The following FSD2 variants were observed in gnomAD, a reference collection of about 807,000 sequenced individuals.
FSD2 encodes the protein fibronectin type III and SPRY domain containing 2, also known as fibronectin type III and SPRY domain-containing protein 2.
In FSD2, 71 loss-of-function variants were observed where a neutral mutation model predicts 80.4. The observed-to-expected ratio is 0.88, with a 90% CI of 0.73 to 1.08. FSD2 has a LOEUF of 1.08. Ranked by LOEUF, FSD2 falls within the 50% of genes least tolerant of loss-of-function variation. FSD2 has a pLI of 0.00. For synonymous variants in FSD2, 361 were observed against 329.5 expected, an observed-to-expected ratio of 1.10 and a Z score of -1.03; for missense variants, 923 against 913.8, an observed-to-expected ratio of 1.01 and a Z score of -0.13.
At chr15:82,789,952 G>A (rs968097198) in intron 1 of FSD2, among the ~76,000 whole-genome samples, 8 of 152,126 alleles carry the variant, frequency 5.3e-5, no homozygotes, top group African/African-American at 9.7e-5. Context: ...CAAGATGGGC[G>A]GATCATGAGG....
intron 1 of FSD2, among the ~76,000 whole-genome samples, chr15:82,804,558 T>A (rs533270710): frequency 6.6e-6 from 1 of 152,258 alleles, no homozygotes; most frequent in South Asian, 2.1e-4. Flanking sequence ...CAGGTTTCCA[T>A]TAAATCACAC....
At chr15:82,785,941 G>A (rs1402153443) in intron 3 of FSD2, among the ~76,000 whole-genome samples, 1 of 152,022 alleles carries the variant, frequency 6.6e-6, no homozygotes, top group Non-Finnish European at 1.5e-5. Context: ...AAAAAGACAA[G>A]GGCAAAAGAA....
At chr15:82,801,377 C>G (rs892447687) in intron 1 of FSD2, among the ~76,000 whole-genome samples, 2 of 152,198 alleles carry the variant, frequency 1.3e-5, no homozygotes, top group Non-Finnish European at 2.9e-5. Context: ...CATGGGCTCA[C>G]CCTGGCTCTT....
intron 11 of FSD2, among the ~76,000 whole-genome samples, chr15:82,763,281 T>G (rs2049332625): frequency 6.6e-6 from 1 of 152,332 alleles, no homozygotes; most frequent in African/African-American, 2.4e-5. Context: ...AGTCATTATC[T>G]ACCCGGTAAC....
At chr15:82,762,076 TTG>T (rs1324201462) in intron 12 of FSD2, 24 bp downstream of exon 12, 2 of 1,534,456 alleles carry the variant, frequency 1.3e-6, no homozygotes, top group South Asian at 1.2e-5. Context: ...CAAATTTTAA[TTG>T]TGAGTATCCA....
chr15:82,802,839 A>G (rs2050447162), intron 1 of FSD2, among the ~76,000 whole-genome samples: 1 of 152,102 alleles, frequency 6.6e-6, no homozygotes, highest in South Asian at 2.1e-4. Context: ...AATGACCTGG[A>G]AAGTCTGCAC....
intron 1 of FSD2, among the ~76,000 whole-genome samples, chr15:82,791,869 A>T (rs1188289705): frequency 6.6e-6 from 1 of 152,196 alleles, no homozygotes; most frequent in Admixed American, 6.5e-5. Context: ...CTCACTGAGC[A>T]TACTGTTTTC....
chr15:82,800,553 G>A (rs1361238315), intron 1 of FSD2, among the ~76,000 whole-genome samples: 3 of 151,802 alleles, frequency 2.0e-5, no homozygotes, highest in Admixed American at 6.6e-5. Context: ...TTAGCTGGGC[G>A]TCGTGGTGGG....
intron 4 of FSD2, among the ~76,000 whole-genome samples, chr15:82,781,895 TAAA>T (rs773142572): frequency 7.0e-6 from 1 of 141,888 alleles, no homozygotes. Flanking sequence ...CCGTCTCTAC[TAAA>T]AAAAAAAATA....
chr15:82,784,256 T>TTTTATTTTA (rs372962730), intron 3 of FSD2, among the ~76,000 whole-genome samples: 1 of 136,390 alleles, frequency 7.3e-6, no homozygotes, highest in East Asian at 2.1e-4. Flanking sequence ...TTTTATTTTA[T>TTTTATTTTA]TTTTTTTTTA....
chr15:82,782,564 G>T (rs369228156), intron 4 of FSD2, among the ~76,000 whole-genome samples: 4 of 152,298 alleles, frequency 2.6e-5, no homozygotes, highest in East Asian at 1.9e-4. Context: ...GAGAGTCTGC[G>T]CTGTGAGTCC....
Position 82,769,771 on chromosome 15 carries a change from C to G in FSD2, c.1381G>C (p.Glu461Gln), listed in dbSNP as rs201802510. Residue 461 changes from glutamate (E) to glutamine (Q), a missense_variant, in exon 8 of 13, where the codon GAG becomes CAG. Glu to Gln is a conservative substitution (Grantham distance 29). Transcript: ENST00000334574. ...HNRAGPSPSS[E>Q]RAVYMTAPSP... ...TTACCTGTCATGTACACTGCACGCT[C>G]GCTAGAGGGGCTGGGGCCAGCCCTG... is the stretch of plus-strand genomic sequence containing the variant. 4.3e-6 allele frequency: 7 copies of G among 1,613,792 alleles called. No homozygotes were observed. The African/African-American group carries it at 6.7e-5, about 15-fold the overall frequency.
Position 82,757,020 on chromosome 15 carries a change from A to T in FSD2, c.*2328T>A, listed in dbSNP as rs891407229. On this transcript the variant is annotated 3_prime_UTR_variant, in exon 13 of 13. Transcript: ENST00000334574. ...GAATTGAGATTTTTTACAAAAATACAAAAGTTTTGCTTGGTTCTGTTCTAG... is the reference window on the plus strand; with the variant it reads ...GAATTGAGATTTTTTACAAAAATACTAAAGTTTTGCTTGGTTCTGTTCTAG... The T allele has an allele frequency of 1.3e-5, 2 of 152,238 alleles. No homozygotes were observed. The highest frequency in any genetic ancestry group is 2.9e-5 in the Non-Finnish European group (2 of 68,048). 9.4% of individuals were successfully genotyped at this position (152,238 alleles called of 1,614,324 possible).
At position 82,792,780 on chromosome 15, in the gene FSD2, G is replaced by A. The variant is rs141675997; in HGVS notation, c.-78-5312C>T. Among the ~76,000 whole-genome samples the A allele has an allele frequency of 2.2e-3, 330 of 152,254 alleles. 6 individuals are homozygous for A. Among genetic ancestry groups the A allele is most frequent in the African/African-American group, 6.6e-3 (273 of 41,550 alleles). ...GTTTTTTAAGAGGGATTACAGGCATGAGCCACCGTGTCTGGCCTAAGTTTT... is the reference window on the plus strand; with the variant it reads ...GTTTTTTAAGAGGGATTACAGGCATAAGCCACCGTGTCTGGCCTAAGTTTT... On this transcript the variant is annotated intron_variant, in intron 1 of 12. Coordinates refer to ENST00000334574, the MANE Select transcript of FSD2 (RefSeq NM_001007122.4).
intron 4 of FSD2, 31 bp downstream of exon 4, chr15:82,782,764 G>T: frequency 1.4e-5 from 20 of 1,472,918 alleles, no homozygotes; most frequent in Non-Finnish European, 1.6e-5. Context: ...TTTCCATTAT[G>T]TTCATTATTT....
chr15:82,798,739 G>C (rs976543868), intron 1 of FSD2, among the ~76,000 whole-genome samples: 3 of 152,054 alleles, frequency 2.0e-5, no homozygotes, highest in African/African-American at 7.2e-5. Flanking sequence ...AAGTTCGTCG[G>C]CTTCCCCTAT....
intron 1 of FSD2, among the ~76,000 whole-genome samples, chr15:82,802,439 A>G (rs2151546179): frequency 6.6e-6 from 1 of 152,328 alleles, no homozygotes; most frequent in Middle Eastern, 3.4e-3. Flanking sequence ...CAAAGTAATC[A>G]GAGCCTTCTG....
At chr15:82,771,753 C>A (rs1020131045) in intron 7 of FSD2, among the ~76,000 whole-genome samples, 4 of 152,242 alleles carry the variant, frequency 2.6e-5, no homozygotes, top group Admixed American at 2.6e-4. Context: ...CCCAGCCAGC[C>A]CAGCAGGGCC....
chr15:82,792,269 T>G (rs886291597), intron 1 of FSD2, among the ~76,000 whole-genome samples: 1 of 152,344 alleles, frequency 6.6e-6, no homozygotes, highest in East Asian at 1.9e-4. Flanking sequence ...CACATTCTTG[T>G]CAGCACTTGT....
Sources: allele counts gnomAD v4.1 joint callset (sites outside exome capture counted in the v4.1 genomes callset), GRCh38; gene constraint gnomAD v4.1.1; transcripts MANE v1.5; gene names NCBI Gene and HGNC (gene_info 2026-07-23, HGNC 2026-07-21).